The following PNPLA7 variants were observed in gnomAD, a reference collection of about 807,000 sequenced individuals.
The protein encoded by PNPLA7 is patatin-like phospholipase domain-containing protein 7.
A neutral mutation model predicts 161.7 loss-of-function variants in PNPLA7; 153 were observed. The observed-to-expected ratio is 0.95, with a 90% CI of 0.83 to 1.08. PNPLA7 has a LOEUF of 1.08. Ranked by LOEUF, PNPLA7 falls within the 50% of genes least tolerant of loss-of-function variation. The probability of loss-of-function intolerance (pLI) is 0.00; values close to 1 mark genes in which losing one functional copy is unlikely to be tolerated. For synonymous variants in PNPLA7, 809 were observed against 782.1 expected, an observed-to-expected ratio of 1.03 and a Z score of -0.57; for missense variants, 1,739 against 1,856.6, an observed-to-expected ratio of 0.94 and a Z score of 1.16.
intron 33 of PNPLA7, chr9:137,461,297 G>T: frequency 2.0e-6 from 1 of 498,732 alleles, no homozygotes; most frequent in Non-Finnish European, 3.6e-6. Context: ...GTGTGGCTGG[G>T]AGTTGAGGTG....
intron 1 of PNPLA7, among the ~76,000 whole-genome samples, chr9:137,548,520 C>T (rs1290810566): frequency 4.6e-5 from 7 of 152,158 alleles, no homozygotes; most frequent in Non-Finnish European, 1.0e-4. Context: ...GAGGCTGAGG[C>T]GGGCGGATCA....
intron 14 of PNPLA7, among the ~76,000 whole-genome samples, chr9:137,504,171 AGAAGAAGGAAGAAG>A (rs958069775): frequency 2.0e-5 from 3 of 150,536 alleles, no homozygotes; most frequent in Non-Finnish European, 4.4e-5. Context: ...AGAAGACGGA[AGAAGAAGGAAGAAG>A]GAAGAAGAAG....
In PNPLA7 at chr9:137,462,170, G is replaced by C. The variant is rs373485691; in HGVS notation, c.3645+9C>G. ...CCCGCCTCCGCCGCCGCGGGTGGCC[G>C]GCACTCACGCAGATCTCGTTGAACT... On this transcript the variant is annotated intron_variant, in intron 31 of 34. Coordinates refer to ENST00000406427, the MANE Select transcript of PNPLA7 (RefSeq NM_001098537.3). 68 of 1,557,364 alleles carry C rather than the reference G, an allele frequency of 4.4e-5. No individual in the cohort carries two copies. In the African/African-American group the frequency reaches 7.4e-4, roughly 17 times the overall value.
At chr9:137,509,216 G>A (rs188660010) in intron 12 of PNPLA7, 120 of 152,628 alleles carry the variant, frequency 7.9e-4, no homozygotes, top group African/African-American at 2.9e-3. Flanking sequence ...TGAGTTTAGC[G>A]GGTACGAGTG....
Position 137,550,149 on chromosome 9 carries a change from G to T in PNPLA7, c.30+19C>A. 2 of 1,612,780 alleles carry T rather than the reference G, an allele frequency of 1.2e-6. No individual in the cohort carries two copies. The highest frequency in any genetic ancestry group is 1.7e-6 in the Non-Finnish European group (2 of 1,179,752). On this transcript the variant is annotated intron_variant, in intron 1 of 34. Transcript: ENST00000406427. ...CCCCAACTGGGAAATCCAGGCATCT[G>T]GTCCCCCGAGTTACATACCTGTGGG...
Position 137,460,044 on chromosome 9 carries a change from C to T in PNPLA7, c.*349G>A. 1 of 264,870 alleles carries T rather than the reference C, an allele frequency of 3.8e-6. No homozygotes were observed. Among genetic ancestry groups the T allele is most frequent in the Non-Finnish European group, 7.6e-6 (1 of 132,242 alleles). The allele number at this position is 264,870 out of a possible 1,614,324, so 16.4% of individuals were successfully genotyped here. On this transcript the variant is annotated 3_prime_UTR_variant, in exon 35 of 35. Transcript: ENST00000406427. ...AGCAGGCAGTTCACAGGACAGCAGG[C>T]AGTTCACAGGGCTTTGGGGGCCTCA...
At chr9:137,504,931 G>A (rs1471532274) in intron 14 of PNPLA7, among the ~76,000 whole-genome samples, 1 of 152,152 alleles carries the variant, frequency 6.6e-6, no homozygotes, top group Non-Finnish European at 1.5e-5. Flanking sequence ...GCTCACGCCT[G>A]TAATCCCAAC....
At chr9:137,549,589 G>C (rs1376329834) in intron 1 of PNPLA7, among the ~76,000 whole-genome samples, 2 of 106,720 alleles carry the variant, frequency 1.9e-5, no homozygotes, top group Non-Finnish European at 3.8e-5. Flanking sequence ...AAAAAAAAAA[G>C]TTCAAGACCA....
At position 137,462,005 on chromosome 9, in the gene PNPLA7, T is replaced by C. The variant is rs1299244626; in HGVS notation, c.3682A>G (p.Ile1228Val). 1.2e-6 allele frequency: 2 copies of C among 1,604,086 alleles called. No individual in the cohort carries two copies. Among genetic ancestry groups the C allele is most frequent in the Non-Finnish European group, 1.7e-6 (2 of 1,177,268 alleles). ...TCCAGCACGCCGCTGCGGCCCCAGA[T>C]GTCAAACACCGTGCGCCCGTGCTGG... ...GYQHGRTVFD[I>V]WGRSGVLEKM... The change falls in exon 32 of 35, where the codon ATC becomes GTC. Residue 1228 changes from isoleucine (I) to valine (V), a missense_variant. Around this residue, in one of 6 missense-constraint regions of PNPLA7, gnomAD observed 703 missense variants for 694.6 expected, o/e 1.01. Coordinates refer to ENST00000406427, the MANE Select transcript of PNPLA7 (RefSeq NM_001098537.3).
chr9:137,539,785 T>G (rs1449958266), intron 8 of PNPLA7, among the ~76,000 whole-genome samples: 1 of 152,216 alleles, frequency 6.6e-6, no homozygotes, highest in African/African-American at 2.4e-5. Flanking sequence ...TTTTTTGTTT[T>G]GTTTTGTTTT....
At chr9:137,536,738 G>T (rs1835911664) in intron 8 of PNPLA7, among the ~76,000 whole-genome samples, 2 of 152,212 alleles carry the variant, frequency 1.3e-5, no homozygotes, top group Non-Finnish European at 2.9e-5. Flanking sequence ...GAGGCATGGG[G>T]GCAATCTACG....
intron 8 of PNPLA7, 80 bp from the exon 9 acceptor site, chr9:137,522,937 G>A (rs1386609720): frequency 1.3e-6 from 2 of 1,577,432 alleles, no homozygotes; most frequent in African/African-American, 1.4e-5. Context: ...TGGAAGCCCT[G>A]GAGGAGGCCC....
At chr9:137,461,068 T>A (rs1426157272) in intron 33 of PNPLA7, 1 of 365,314 alleles carries the variant, frequency 2.7e-6, no homozygotes, top group Non-Finnish European at 5.1e-6. Context: ...CCCAGGGCCC[T>A]CTCGGCCTGC....
chr9:137,545,350 A>C (rs1836439145), intron 4 of PNPLA7, among the ~76,000 whole-genome samples: 1 of 152,216 alleles, frequency 6.6e-6, no homozygotes, highest in South Asian at 2.1e-4. Context: ...TCCTCAGCTC[A>C]GCATCCCAAA....
intron 25 of PNPLA7, 82 bp downstream of exon 25, chr9:137,477,952 C>T: frequency 1.7e-6 from 2 of 1,146,086 alleles, no homozygotes; most frequent in Non-Finnish European, 2.2e-6. Context: ...CTGTCCCCCG[C>T]ACCCAGCACC....
At chr9:137,519,874 G>T in intron 11 of PNPLA7, 43 bp downstream of exon 11, 1 of 1,583,000 alleles carries the variant, frequency 6.3e-7, no homozygotes, top group South Asian at 1.1e-5. Context: ...GGATCCCCCG[G>T]ACTCTGGGGC....
intron 12 of PNPLA7, chr9:137,509,807 G>T (rs1564333658): frequency 2.2e-6 from 1 of 444,972 alleles, no homozygotes; most frequent in Non-Finnish European, 4.6e-6. Flanking sequence ...AGAGACAGAG[G>T]ACACGAGCTG....
rs747788469 is a variant in PNPLA7, at chr9:137,479,049, G to A, written c.2763+7C>T. 1.9e-6 allele frequency: 3 copies of A among 1,566,994 alleles called. No homozygotes were observed. Among genetic ancestry groups the A allele is most frequent in the Middle Eastern group, 2.2e-4 (1 of 4,498 alleles). ...CACGGGCAGGCAGCCTCCTCTCCCC[G>A]CCTCACCAGCTTGGGCAGGCTCCTC... is the stretch of plus-strand genomic sequence containing the variant. On this transcript the variant is annotated splice_region_variant and intron_variant, in intron 24 of 34. Transcript: ENST00000406427.
At position 137,541,626 on chromosome 9, in the gene PNPLA7, C is replaced by A. The variant is rs1836208670; in HGVS notation, c.667-904G>T. On this transcript the variant is annotated intron_variant, in intron 7 of 34. Transcript: ENST00000406427. This position sits in a 1 kb window ranked among gnomAD's most constrained non-coding sequence, Gnocchi z 4.4. Reference sequence around the variant, plus strand: ...TGGGAAGTCTGGGTCGCAAACTGCCCAGACAGACAAAGCCACACCACCCTC... The same window carrying A: ...TGGGAAGTCTGGGTCGCAAACTGCCAAGACAGACAAAGCCACACCACCCTC... 5.8e-6 allele frequency: 2 copies of A among 344,568 alleles called. No individual in the cohort carries two copies. Among genetic ancestry groups the A allele is most frequent in the Non-Finnish European group, 8.2e-6 (2 of 244,208 alleles). The allele number at this position is 344,568 out of a possible 1,614,324, so 21.3% of individuals were successfully genotyped here.
Sources: allele counts gnomAD v4.1 joint callset (sites outside exome capture counted in the v4.1 genomes callset), GRCh38; gene constraint gnomAD v4.1.1; regional missense constraint gnomAD v4.1.1; non-coding constraint Gnocchi (gnomAD v3.1); transcripts MANE v1.5; gene names NCBI Gene and HGNC (gene_info 2026-07-23, HGNC 2026-07-21).